CPQ: variants seen among roughly 807,000 people sequenced by gnomAD.
CPQ encodes Ser-Met dipeptidase.
A neutral mutation model predicts 45.7 loss-of-function variants in CPQ; 37 were observed. The ratio of observed to expected loss-of-function variants is 0.81; its 90% CI spans 0.62 to 1.07. The LOEUF (loss-of-function observed/expected upper bound fraction) is 1.07, where lower values mean the gene tolerates loss of function less well. Ranked by LOEUF, CPQ falls within the 50% of genes least tolerant of loss-of-function variation. CPQ has a pLI of 0.00. For synonymous variants in CPQ, 186 were observed against 205.8 expected (o/e 0.90, Z 0.82); for missense variants, 537 against 572.9 (o/e 0.94, Z 0.64).
chr8:96,912,285 T>A (rs936341033), intron 4 of CPQ, among the ~76,000 whole-genome samples: 1 of 152,250 alleles, frequency 6.6e-6, no homozygotes, highest in African/African-American at 2.4e-5. Context: ...TTAGTAGGTT[T>A]TCACTTCAGG....
chr8:96,934,323 G>A (rs890782814), intron 4 of CPQ, among the ~76,000 whole-genome samples: 3 of 152,194 alleles, frequency 2.0e-5, no homozygotes, highest in Non-Finnish European at 2.9e-5. Flanking sequence ...CTTTGTGGAG[G>A]AGAAAGCCCT....
chr8:97,116,490 G>A (rs1811596445), intron 7 of CPQ, among the ~76,000 whole-genome samples: 1 of 152,184 alleles, frequency 6.6e-6, no homozygotes, highest in Non-Finnish European at 1.5e-5. Flanking sequence ...GACTATTTCT[G>A]TAGGGAAAGT....
intron 7 of CPQ, among the ~76,000 whole-genome samples, chr8:97,085,316 G>A (rs1314628792): frequency 6.6e-6 from 1 of 151,902 alleles, no homozygotes; most frequent in African/African-American, 2.4e-5. Flanking sequence ...CCCAGAAGGT[G>A]GAGGCTACAG....
intron 1 of CPQ, among the ~76,000 whole-genome samples, chr8:96,745,536 C>G (rs1184055502): frequency 1.3e-5 from 2 of 152,136 alleles, no homozygotes; most frequent in Admixed American, 1.3e-4. Flanking sequence ...TCACATATAG[C>G]TTAATTCATA....
chr8:96,847,169 C>A (rs1811705729), intron 3 of CPQ, among the ~76,000 whole-genome samples: 1 of 152,158 alleles, frequency 6.6e-6, no homozygotes, highest in South Asian at 2.1e-4. Context: ...AGCATTCCAC[C>A]TTTGTAGAGG....
intron 2 of CPQ, among the ~76,000 whole-genome samples, chr8:96,787,696 T>C (rs1810789924): frequency 6.6e-6 from 1 of 151,886 alleles, no homozygotes; most frequent in African/African-American, 2.4e-5. Context: ...TCATTCACGC[T>C]TTTCTTTGTG....
intron 7 of CPQ, among the ~76,000 whole-genome samples, chr8:97,141,580 A>G (rs1038499141): frequency 6.6e-6 from 1 of 152,210 alleles, no homozygotes; most frequent in African/African-American, 2.4e-5. Flanking sequence ...TAACAGTGTA[A>G]GTGTAAATTG....
At chr8:97,040,039 A>G (rs1329513510) in intron 6 of CPQ, among the ~76,000 whole-genome samples, 2 of 151,500 alleles carry the variant, frequency 1.3e-5, no homozygotes, top group Admixed American at 6.6e-5. Context: ...CTAGTTCTAG[A>G]TCCCTGAGGA....
chr8:97,048,999 C>T (rs1294261013), intron 6 of CPQ, among the ~76,000 whole-genome samples: 1 of 152,192 alleles, frequency 6.6e-6, no homozygotes, highest in East Asian at 1.9e-4. Flanking sequence ...CTGCTACCTT[C>T]AATTCTCTGA....
chr8:96,929,712 A>G (rs1812945909), intron 4 of CPQ, among the ~76,000 whole-genome samples: 1 of 152,090 alleles, frequency 6.6e-6, no homozygotes. Context: ...GTAGTCTCTT[A>G]TTTTCAGGAA....
chr8:97,120,111 G>A (rs535423551), intron 7 of CPQ, among the ~76,000 whole-genome samples: 13 of 152,296 alleles, frequency 8.5e-5, no homozygotes, highest in South Asian at 6.2e-4. Flanking sequence ...TGTCTAACAC[G>A]TATAAATATT....
At position 96,754,239 on chromosome 8, in the gene CPQ, C is replaced by T. The variant is rs145767531; in HGVS notation, c.-34-30625C>T. The stretch of plus-strand genomic sequence containing the variant: ...AGAAATGGTTCCGTGGTCAAATACA[C>T]TTGAGAAAGGCAGATTAAAACATTT... On this transcript the variant is annotated intron_variant, in intron 1 of 7. Coordinates refer to ENST00000220763, the MANE Select transcript of CPQ (RefSeq NM_016134.4). Among the ~76,000 whole-genome samples the T allele has an allele frequency of 3.7e-4, 56 of 152,174 alleles. No homozygotes were observed. In the East Asian group the frequency reaches 0.01, roughly 28 times the overall value.
chr8:96,898,717 G>T (rs1239650485), intron 4 of CPQ, among the ~76,000 whole-genome samples: 1 of 147,150 alleles, frequency 6.8e-6, no homozygotes, highest in Non-Finnish European at 1.5e-5. Context: ...CATGGCACAT[G>T]TATATATATG....
chr8:96,742,156 C>T (rs1161916669), intron 1 of CPQ, among the ~76,000 whole-genome samples: 1 of 150,228 alleles, frequency 6.7e-6, no homozygotes, highest in African/African-American at 2.5e-5. Flanking sequence ...AATCTGGGTG[C>T]TCCTGTATTG....
At chr8:96,927,568 CT>C (rs1305631736) in intron 4 of CPQ, among the ~76,000 whole-genome samples, 1 of 152,138 alleles carries the variant, frequency 6.6e-6, no homozygotes, top group African/African-American at 2.4e-5. Context: ...GAAATGATAC[CT>C]CCCACAGTCA....
chr8:97,045,199 C>T (rs1348855545), intron 6 of CPQ, among the ~76,000 whole-genome samples: 3 of 152,212 alleles, frequency 2.0e-5, no homozygotes, highest in Non-Finnish European at 2.9e-5. Context: ...TGGTGGGCGC[C>T]CCTCCCCCAG....
intron 4 of CPQ, among the ~76,000 whole-genome samples, chr8:96,899,952 T>G (rs1812493960): frequency 6.6e-6 from 1 of 152,088 alleles, no homozygotes. Flanking sequence ...AGCCAATTCT[T>G]GGGAAAAAAA....
chr8:96,755,704 C>T (rs1449770648), intron 1 of CPQ, among the ~76,000 whole-genome samples: 1 of 151,826 alleles, frequency 6.6e-6, no homozygotes, highest in Non-Finnish European at 1.5e-5. Context: ...TGATCTATTA[C>T]AGACAGCAAT....
chr8:97,000,333 G>C (rs1478138052), intron 5 of CPQ, among the ~76,000 whole-genome samples: 5 of 152,020 alleles, frequency 3.3e-5, no homozygotes, highest in African/African-American at 4.8e-5. Flanking sequence ...TTCCAGAATA[G>C]TATTGCCCAG....
Sources: gnomAD v4.1 joint callset for allele counts (sites outside exome capture counted in the v4.1 genomes callset) on GRCh38, gnomAD v4.1.1 for gene constraint, MANE v1.5 for transcripts, NCBI Gene and HGNC (gene_info 2026-07-23, HGNC 2026-07-21) for gene names.